LAMB1: variants seen among roughly 807,000 people sequenced by gnomAD.
The protein encoded by LAMB1 is laminin subunit beta-1.
In LAMB1, 121 loss-of-function variants were observed where a neutral mutation model predicts 222.3. The observed-to-expected ratio is 0.54, with a 90% CI of 0.47 to 0.63. The LOEUF (loss-of-function observed/expected upper bound fraction) is 0.63, where lower values mean the gene tolerates loss of function less well. LAMB1 is among the 30% of genes least tolerant of loss of function. The pLI is 0.00. For synonymous variants in LAMB1, 794 were observed against 807.2 expected (o/e 0.98, Z 0.28); for missense variants, 2,172 against 2,240.8 (o/e 0.97, Z 0.62).
chr7:107,979,080 A>G lies in LAMB1; in HGVS notation c.880-913T>C, dbSNP rs115359712. Among the ~76,000 whole-genome samples, 1,209 of 152,360 alleles carry G rather than the reference A, an allele frequency of 7.9e-3. 23 individuals are homozygous for G. The highest frequency in any genetic ancestry group is 0.027 in the African/African-American group (1,140 of 41,586). On this transcript the variant is annotated intron_variant, in intron 8 of 33. Transcript: ENST00000222399. ...GAAAACCAGTTCCAAAGCACATACC[A>G]TAAGACCCTACTGGGCCTGAATCAA...
chr7:107,937,064 T>A, intron 26 of LAMB1, 29 bp downstream of exon 26: 1 of 1,579,954 alleles, frequency 6.3e-7, no homozygotes, highest in Non-Finnish European at 8.7e-7. Context: ...ATCCATTGTC[T>A]GGGACTATTT....
chr7:107,949,446 CT>C (rs2033194212), intron 24 of LAMB1, among the ~76,000 whole-genome samples: 1 of 152,298 alleles, frequency 6.6e-6, no homozygotes, highest in African/African-American at 2.4e-5. Flanking sequence ...AAAATCAAGC[CT>C]TGGGGCATTA....
At chr7:107,947,980 C>CT (rs1421044411) in intron 24 of LAMB1, among the ~76,000 whole-genome samples, 115 of 105,658 alleles carry the variant, frequency 1.1e-3, no homozygotes, top group African/African-American at 4.0e-3. Flanking sequence ...ATATCTTCTT[C>CT]TTCTTTTTTT....
intron 3 of LAMB1, among the ~76,000 whole-genome samples, chr7:107,999,458 T>C (rs2034341746): frequency 6.6e-6 from 1 of 152,218 alleles, no homozygotes; most frequent in African/African-American, 2.4e-5. Flanking sequence ...TTAAGGGTAA[T>C]ATTCTTATAA....
chr7:107,951,088 A>C (rs887243342), intron 24 of LAMB1, 138 bp downstream of exon 24: 16 of 632,600 alleles, frequency 2.5e-5, no homozygotes, highest in Non-Finnish European at 3.9e-5. Flanking sequence ...AATCAGTGTT[A>C]ATTTATTTTG....
chr7:108,002,709 G>A lies in LAMB1; in HGVS notation c.37+140C>T, dbSNP rs577960826. The A allele has an allele frequency of 9.2e-5, 114 of 1,238,352 alleles. No individual in the cohort carries two copies. In the African/African-American group the frequency reaches 1.4e-3, roughly 15 times the overall value. 76.7% of individuals were successfully genotyped at this position (1,238,352 alleles called of 1,614,324 possible). A position where few individuals can be genotyped will look rare whatever the true frequency, so the allele number is the denominator to read the frequency against. On this transcript the variant is annotated intron_variant, in intron 2 of 33. Coordinates refer to ENST00000222399, the MANE Select transcript of LAMB1 (RefSeq NM_002291.3). ...CCACCACCGAAGCAAGGGCGGTGGCGTTTAATCCCAGGGGCGTCATTTCCA... is the reference window on the plus strand; with the variant it reads ...CCACCACCGAAGCAAGGGCGGTGGCATTTAATCCCAGGGGCGTCATTTCCA...
chr7:107,977,856 A>C (rs2033898604), intron 9 of LAMB1, among the ~76,000 whole-genome samples, 191 bp downstream of exon 9: 1 of 152,226 alleles, frequency 6.6e-6, no homozygotes, highest in Non-Finnish European at 1.5e-5. Context: ...TCAAACACAC[A>C]GAGGCTGTTC....
At chr7:107,976,820 T>C (rs1310295228) in intron 9 of LAMB1, among the ~76,000 whole-genome samples, 1 of 151,728 alleles carries the variant, frequency 6.6e-6, no homozygotes, top group East Asian at 1.9e-4. Flanking sequence ...TTCCTCTCTT[T>C]TCCTTTTCTT....
At chr7:107,981,019 A>C (rs2033961804) in intron 7 of LAMB1, among the ~76,000 whole-genome samples, 1 of 152,190 alleles carries the variant, frequency 6.6e-6, no homozygotes, top group Non-Finnish European at 1.5e-5. Flanking sequence ...CATCAGTTTC[A>C]TAAGAATGTC....
At chr7:107,984,553 C>A (rs2701035) in intron 7 of LAMB1, among the ~76,000 whole-genome samples, 2,222 of 152,022 alleles carry the variant, frequency 0.015, 50 homozygotes, top group African/African-American at 0.051. Flanking sequence ...TGGCCCATGT[C>A]TCATCTTTAA....
chr7:107,932,596 TC>T, intron 27 of LAMB1: 1 of 589,392 alleles, frequency 1.7e-6, no homozygotes, highest in Non-Finnish European at 3.0e-6. Context: ...TTACAACTCA[TC>T]AATATCTTCT....
At chr7:107,980,000 G>C (rs1312556212) in intron 8 of LAMB1, among the ~76,000 whole-genome samples, 1 of 152,154 alleles carries the variant, frequency 6.6e-6, no homozygotes, top group East Asian at 1.9e-4. Context: ...TTGAGGTCAG[G>C]AGTTTGAGAT....
At chr7:107,951,951 T>A in intron 23 of LAMB1, 58 bp downstream of exon 23, 1 of 1,453,114 alleles carries the variant, frequency 6.9e-7, no homozygotes, top group Non-Finnish European at 9.4e-7. Context: ...TGGGGCAAAG[T>A]CACCATGGGC....
At chr7:107,926,104 C>G (rs1365992390) in intron 32 of LAMB1, 79 bp downstream of exon 32, 4 of 1,073,406 alleles carry the variant, frequency 3.7e-6, no homozygotes, top group Middle Eastern at 2.3e-4. Flanking sequence ...AGGTCCATGT[C>G]CCTTACTCTA....
rs1489510516 is a variant in LAMB1 at position 107,926,197 on chromosome 7, C to G, written c.5050G>C (p.Glu1684Gln). 1.2e-6 allele frequency: 2 copies of G among 1,613,456 alleles called. No homozygotes were observed. The highest frequency in any genetic ancestry group is 1.7e-6 in the Non-Finnish European group (2 of 1,179,498). Residue 1684 changes from glutamate to glutamine, a missense_variant, in exon 32 of 34, where the codon GAA (glutamate) becomes CAA (glutamine). Transcript: ENST00000222399. ...GATTTACGTACCTTCTTAACATCTT[C>G]TGCACTTTGCTTCACAGTATATACT... ...KVVYTVKQSA[E>Q]DVKKTLDGEL...
At chr7:107,968,407 G>T (rs553929009) in intron 13 of LAMB1, among the ~76,000 whole-genome samples, 2 of 152,302 alleles carry the variant, frequency 1.3e-5, no homozygotes, top group African/African-American at 4.8e-5. Context: ...GGCCCCCAAA[G>T]ATGTCCACAT....
At chr7:107,926,410 A>G in intron 31 of LAMB1, 51 bp from the exon 32 acceptor site, 1 of 1,489,622 alleles carries the variant, frequency 6.7e-7, no homozygotes, top group Non-Finnish European at 9.3e-7. Flanking sequence ...AAATGGAATT[A>G]CTATGAGTAC....
At chr7:107,988,279 G>A (rs1244916573) in intron 5 of LAMB1, among the ~76,000 whole-genome samples, 1 of 152,202 alleles carries the variant, frequency 6.6e-6, no homozygotes, top group Non-Finnish European at 1.5e-5. Context: ...GAAAGCATTT[G>A]GTTGTAGGCT....
rs1278960877 is a variant in LAMB1, at chr7:108,002,733, C to T, written c.37+116G>A. ...CGTTTAATCCCAGGGGCGTCATTTC[C>T]ATCCAGTCCCTCTCCCAAGCCCCCA... On this transcript the variant is annotated intron_variant, in intron 2 of 33. Transcript: ENST00000222399. 5.7e-6 allele frequency: 8 copies of T among 1,405,788 alleles called. No homozygotes were observed. The East Asian group carries it at 1.4e-4, about 25-fold the overall frequency. The allele number at this position is 1,405,788 out of a possible 1,614,324, so 87.1% of individuals were successfully genotyped here.
Sources: gnomAD v4.1 joint callset for allele counts (sites outside exome capture counted in the v4.1 genomes callset) on GRCh38, gnomAD v4.1.1 for gene constraint, MANE v1.5 for transcripts, NCBI Gene and HGNC (gene_info 2026-07-23, HGNC 2026-07-21) for gene names.